The following ADD2 variants were observed in gnomAD, a reference collection of about 807,000 sequenced individuals.
ADD2 encodes the protein adducin 2, also known as beta-adducin.
Under a neutral mutation model 83.0 loss-of-function variants are expected in ADD2, and 23 were observed. The observed-to-expected ratio is 0.28, with a 90% CI of 0.20 to 0.39. The LOEUF (loss-of-function observed/expected upper bound fraction) is 0.39. Among genes scored for constraint, ADD2 ranks in the 10% least tolerant of loss-of-function variants. ADD2 has a pLI of 1.00. For synonymous variants in ADD2, 375 were observed against 375.4 expected (o/e 1.00, Z 0.01); for missense variants, 758 against 944.9 (o/e 0.80, Z 2.59).
chr2:70,717,217 T>C (rs3755368), intron 1 of ADD2, among the ~76,000 whole-genome samples: 104,635 of 152,008 alleles, frequency 0.69, 37,836 homozygotes, highest in East Asian at 0.9. Context: ...CTACACATCA[T>C]GAGACACGCT....
intron 1 of ADD2, among the ~76,000 whole-genome samples, chr2:70,740,703 T>C (rs1673842960): frequency 6.6e-6 from 1 of 152,052 alleles, no homozygotes; most frequent in Non-Finnish European, 1.5e-5. Flanking sequence ...TTTATTTTTA[T>C]TTATTTATTT....
intron 1 of ADD2, among the ~76,000 whole-genome samples, chr2:70,761,227 CTT>C (rs61106669): frequency 2.0e-5 from 3 of 146,670 alleles, no homozygotes; most frequent in Non-Finnish European, 3.0e-5. Flanking sequence ...GCATGCATTA[CTT>C]TTTTTTTTTT....
rs1553365243 is a variant in ADD2, at chr2:70,662,715, A to G, written c.*710T>C. 1 of 152,210 alleles carries G rather than the reference A, an allele frequency of 6.6e-6. No individual in the cohort carries two copies. The allele number at this position is 152,210 out of a possible 1,614,324, so 9.4% of individuals were successfully genotyped here. A position where few individuals can be genotyped will look rare whatever the true frequency, so the allele number is the denominator to read the frequency against. ...AAAGGGGTCAAGTTCCTGGCCTCTT[A>G]TGTTGATGAAACCATCCCCAATCCT... On this transcript the variant is annotated 3_prime_UTR_variant, in exon 16 of 16. Transcript: ENST00000264436.
Position 70,706,208 on chromosome 2 carries a change from C to T in ADD2, c.183+18G>A, listed in dbSNP as rs782412621. On this transcript the variant is annotated intron_variant, in intron 3 of 15. Coordinates refer to ENST00000264436, the MANE Select transcript of ADD2 (RefSeq NM_001617.4). This position sits in a 1 kb window ranked among gnomAD's most constrained non-coding sequence, Gnocchi z 5.0. ...AGCGCCCCCTGCGCCCTCTCCCGCC[C>T]GGGTCAGCCCCACTCACGGGACTCT... is the stretch of plus-strand genomic sequence containing the variant. 2.5e-6 allele frequency: 4 copies of T among 1,610,440 alleles called. No homozygotes were observed. The highest frequency in any genetic ancestry group is 2.2e-5 in the South Asian group (2 of 90,754).
At chr2:70,726,186 CAAAAAAAA>C (rs34333514) in intron 1 of ADD2, among the ~76,000 whole-genome samples, 468 of 45,490 alleles carry the variant, frequency 0.01, 3 homozygotes, top group African/African-American at 0.032. Flanking sequence ...GACTCCATCT[CAAAAAAAA>C]AAAAAAAAAA....
Position 70,761,476 on chromosome 2 carries a change from C to A in ADD2, c.-154+6410G>T, listed in dbSNP as rs1299385971. The stretch of plus-strand genomic sequence containing the variant: ...ATACAAAATTAGCCGGGCGTGGTGG[C>A]AGGTGCCTGTAATCCCAGCTACTCA... On this transcript the variant is annotated intron_variant, in intron 1 of 15. Coordinates refer to ENST00000264436, the MANE Select transcript of ADD2 (RefSeq NM_001617.4). Among the ~76,000 whole-genome samples the A allele has an allele frequency of 4.0e-5, 6 of 148,454 alleles. No individual in the cohort carries two copies. In the Admixed American group the frequency reaches 4.1e-4, roughly 10 times the overall value.
At chr2:70,715,829 C>A (rs1574280453) in intron 1 of ADD2, among the ~76,000 whole-genome samples, 1 of 151,738 alleles carries the variant, frequency 6.6e-6, no homozygotes, top group East Asian at 1.9e-4. Context: ...CTCTTTTTGC[C>A]CTGCACATTT....
chr2:70,715,921 C>T (rs1165328489), intron 1 of ADD2, among the ~76,000 whole-genome samples: 2 of 152,192 alleles, frequency 1.3e-5, no homozygotes, highest in African/African-American at 4.8e-5. Context: ...GCCTCCATCT[C>T]TCCATCCTTT....
At chr2:70,716,266 G>A (rs1672461836) in intron 1 of ADD2, among the ~76,000 whole-genome samples, 1 of 152,042 alleles carries the variant, frequency 6.6e-6, no homozygotes, top group African/African-American at 2.4e-5. Context: ...CCTGTAGGAT[G>A]AGGCTGAGAC....
intron 15 of ADD2, among the ~76,000 whole-genome samples, chr2:70,668,721 T>C (rs1669781821): frequency 1.3e-5 from 2 of 152,120 alleles, no homozygotes; most frequent in Admixed American, 6.6e-5. Context: ...GGAGAAGGAA[T>C]ATGGACCTTG....
intron 9 of ADD2, chr2:70,687,486 C>T (rs189982633): frequency 6.5e-6 from 1 of 154,616 alleles, no homozygotes; most frequent in Non-Finnish European, 1.4e-5. Context: ...CTTGGGGTTG[C>T]TCTGGCTGTT....
At chr2:70,767,492 AG>A (rs1356744766) in intron 1 of ADD2, 2 of 372,034 alleles carry the variant, frequency 5.4e-6, no homozygotes, top group Non-Finnish European at 7.3e-6. Flanking sequence ...GCGGCGGCCG[AG>A]CGGGAAGGAA....
chr2:70,685,968 A>T (rs1670701708), intron 9 of ADD2, among the ~76,000 whole-genome samples: 1 of 152,214 alleles, frequency 6.6e-6, no homozygotes, highest in Non-Finnish European at 1.5e-5. Context: ...ATTGATGGGG[A>T]TCAGAGAGAA....
intron 1 of ADD2, among the ~76,000 whole-genome samples, chr2:70,760,992 T>C (rs1201338010): frequency 6.6e-6 from 1 of 152,176 alleles, no homozygotes; most frequent in Admixed American, 6.5e-5. Context: ...AAAAGGATGA[T>C]GTTACTGTGA....
chr2:70,720,876 G>A (rs1672699682), intron 1 of ADD2, among the ~76,000 whole-genome samples: 1 of 152,150 alleles, frequency 6.6e-6, no homozygotes, highest in Non-Finnish European at 1.5e-5. Flanking sequence ...AAGAGTGGAG[G>A]TGCCTTCTCC....
chr2:70,702,997 G>A (rs1198773411), intron 4 of ADD2, among the ~76,000 whole-genome samples: 11 of 152,020 alleles, frequency 7.2e-5, no homozygotes, highest in Admixed American at 4.6e-4. Flanking sequence ...CATGTGGTGC[G>A]TGCCCGTGGT....
At chr2:70,695,907 A>G (rs1301058908) in intron 5 of ADD2, 106 bp from the exon 6 acceptor site, 4 of 940,990 alleles carry the variant, frequency 4.3e-6, no homozygotes, top group Admixed American at 4.1e-5. Flanking sequence ...ACCCAAGTCC[A>G]TCTCTAATGA....
In ADD2 at chr2:70,706,212, T is replaced by G; in HGVS notation, c.183+14A>C. ...CCCCCTGCGCCCTCTCCCGCCCGGG[T>G]CAGCCCCACTCACGGGACTCTGCAG... On this transcript the variant is annotated intron_variant, in intron 3 of 15. Transcript: ENST00000264436. This position sits in a 1 kb window ranked among gnomAD's most constrained non-coding sequence, Gnocchi z 5.0. 6.2e-7 allele frequency: 1 copy of G among 1,611,858 alleles called. No individual in the cohort carries two copies. Among genetic ancestry groups the G allele is most frequent in the Non-Finnish European group, 8.5e-7 (1 of 1,178,754 alleles).
intron 8 of ADD2, among the ~76,000 whole-genome samples, chr2:70,688,737 G>C (rs1670871779): frequency 6.6e-6 from 1 of 152,132 alleles, no homozygotes; most frequent in African/African-American, 2.4e-5. Context: ...CACAGCTCTA[G>C]AAAGAGGCCA....
Sources: allele counts gnomAD v4.1 joint callset (sites outside exome capture counted in the v4.1 genomes callset), GRCh38; gene constraint gnomAD v4.1.1; non-coding constraint Gnocchi (gnomAD v3.1); transcripts MANE v1.5; gene names NCBI Gene and HGNC (gene_info 2026-07-23, HGNC 2026-07-21).